The following RSU1 variants were observed in gnomAD, a reference collection of about 807,000 sequenced individuals.
RSU1 encodes the protein rsu-1.
Under a neutral mutation model 31.1 loss-of-function variants are expected in RSU1, and 26 were observed. That is an observed-to-expected ratio of 0.84 (90% CI 0.61 to 1.16). RSU1 has a LOEUF of 1.16. Ranked by LOEUF, RSU1 falls within the 50% of genes most tolerant of loss-of-function variation. The pLI is 0.00. For missense variants in RSU1, 320 were observed against 339.1 expected, an observed-to-expected ratio of 0.94 and a Z score of 0.44; for synonymous variants, 164 against 136.3, an observed-to-expected ratio of 1.20 and a Z score of -1.41.
At chr10:16,654,370 A>AG (rs1317101288) in intron 8 of RSU1, among the ~76,000 whole-genome samples, 2 of 151,476 alleles carry the variant, frequency 1.3e-5, no homozygotes, top group African/African-American at 4.9e-5. Flanking sequence ...GCAAAAAAAA[A>AG]AAAAAAAAAA....
At chr10:16,733,333 T>TAAAAAAAA (rs569239845) in intron 7 of RSU1, among the ~76,000 whole-genome samples, 8 of 79,586 alleles carry the variant, frequency 1.0e-4, no homozygotes, top group African/African-American at 1.5e-4. Flanking sequence ...TCTACGACAA[T>TAAAAAAAA]AAAAAAAAAA....
intron 7 of RSU1, among the ~76,000 whole-genome samples, chr10:16,721,154 G>A (rs995431928): frequency 6.6e-6 from 1 of 152,154 alleles, no homozygotes; most frequent in Non-Finnish European, 1.5e-5. Context: ...TATGGATACT[G>A]AAGAAAGAGC....
At chr10:16,726,962 G>A (rs1425490579) in intron 7 of RSU1, 3 of 429,420 alleles carry the variant, frequency 7.0e-6, no homozygotes, top group African/African-American at 6.1e-5. Context: ...AGATTCTGAT[G>A]ACTAAACTTG....
At chr10:16,787,702 C>T (rs1837823377) in intron 2 of RSU1, among the ~76,000 whole-genome samples, 1 of 152,168 alleles carries the variant, frequency 6.6e-6, no homozygotes, top group Non-Finnish European at 1.5e-5. Context: ...TCTTACCTGC[C>T]CCCATGTAAG....
At chr10:16,763,529 C>T (rs1343726833) in intron 4 of RSU1, among the ~76,000 whole-genome samples, 1 of 152,164 alleles carries the variant, frequency 6.6e-6, no homozygotes, top group South Asian at 2.1e-4. Flanking sequence ...AGGAGAGCTC[C>T]GCCCCCAGGA....
chr10:16,648,801 TAA>T (rs1228529044), intron 8 of RSU1, among the ~76,000 whole-genome samples: 1 of 151,654 alleles, frequency 6.6e-6, no homozygotes, highest in East Asian at 1.9e-4. Flanking sequence ...AATAAATAAA[TAA>T]ATAAATAAAT....
chr10:16,604,649 T>C (rs1833771178), intron 8 of RSU1, among the ~76,000 whole-genome samples: 2 of 152,158 alleles, frequency 1.3e-5, no homozygotes, highest in Admixed American at 1.3e-4. Context: ...AGACAGGCGC[T>C]ACCCCCATTC....
chr10:16,811,830 T>A (rs1170814740), intron 2 of RSU1, among the ~76,000 whole-genome samples: 1 of 152,194 alleles, frequency 6.6e-6, no homozygotes, highest in Non-Finnish European at 1.5e-5. Flanking sequence ...CCAACCTGAA[T>A]CTCTTAACTA....
At chr10:16,722,807 TAC>T (rs1207685182) in intron 7 of RSU1, among the ~76,000 whole-genome samples, 2 of 151,244 alleles carry the variant, frequency 1.3e-5, no homozygotes, top group Non-Finnish European at 2.9e-5. Context: ...TATACATATA[TAC>T]ACATATATAC....
At chr10:16,668,912 T>C (rs1044124855) in intron 8 of RSU1, among the ~76,000 whole-genome samples, 4 of 152,222 alleles carry the variant, frequency 2.6e-5, no homozygotes, top group Non-Finnish European at 5.9e-5. Context: ...CAAATATGGC[T>C]GGTTATATGT....
At chr10:16,812,076 C>A (rs1374499080) in intron 2 of RSU1, among the ~76,000 whole-genome samples, 1 of 152,198 alleles carries the variant, frequency 6.6e-6, no homozygotes, top group Non-Finnish European at 1.5e-5. Context: ...AAAGGGCTCC[C>A]CAGGCCAAGA....
intron 8 of RSU1, among the ~76,000 whole-genome samples, chr10:16,615,884 G>A (rs908348150): frequency 6.6e-6 from 1 of 152,174 alleles, no homozygotes; most frequent in Non-Finnish European, 1.5e-5. Context: ...AGTGTTTAGA[G>A]GGAAATTTAT....
At chr10:16,732,682 A>G (rs1363553086) in intron 7 of RSU1, among the ~76,000 whole-genome samples, 1 of 152,184 alleles carries the variant, frequency 6.6e-6, no homozygotes, top group African/African-American at 2.4e-5. Flanking sequence ...TCAAGCCATG[A>G]TGATTTCTGC....
intron 7 of RSU1, among the ~76,000 whole-genome samples, chr10:16,698,695 A>C (rs1835728430): frequency 6.6e-6 from 1 of 152,182 alleles, no homozygotes; most frequent in African/African-American, 2.4e-5. Flanking sequence ...GATGGCTGCT[A>C]ACTGGAGCAC....
intron 7 of RSU1, among the ~76,000 whole-genome samples, chr10:16,742,218 T>C (rs1472265219): frequency 6.6e-6 from 1 of 152,186 alleles, no homozygotes; most frequent in African/African-American, 2.4e-5. Flanking sequence ...ATGGTACAAT[T>C]AGATGCTTTT....
intron 7 of RSU1, among the ~76,000 whole-genome samples, chr10:16,709,149 C>T (rs1184674172): frequency 4.6e-5 from 7 of 151,914 alleles, no homozygotes; most frequent in African/African-American, 1.7e-4. Context: ...TCCCCCCTTC[C>T]CCCACCCCAC....
chr10:16,697,777 C>A (rs544307355), intron 7 of RSU1, among the ~76,000 whole-genome samples: 6 of 151,890 alleles, frequency 4.0e-5, no homozygotes, highest in Non-Finnish European at 8.8e-5. Context: ...GAAATGAATT[C>A]CTAAGCTAAG....
At position 16,615,266 on chromosome 10, in the gene RSU1, A is replaced by G. The variant is rs189179474; in HGVS notation, c.732-21770T>C. Among the ~76,000 whole-genome samples, 9 of 152,338 alleles carry G rather than the reference A, an allele frequency of 5.9e-5. No homozygotes were observed. The East Asian group carries it at 1.7e-3, about 29-fold the overall frequency. ...CTGACAAAACAGACTTTAAACTAAA[A>G]AACATCAAAAAAGACAAAGAAGGGC... On this transcript the variant is annotated intron_variant, in intron 8 of 8. Coordinates refer to ENST00000345264, the MANE Select transcript of RSU1 (RefSeq NM_012425.4).
intron 8 of RSU1, among the ~76,000 whole-genome samples, chr10:16,657,750 T>C (rs1319809927): frequency 1.3e-5 from 2 of 152,138 alleles, no homozygotes; most frequent in African/African-American, 4.8e-5. Flanking sequence ...CCCAGCACTT[T>C]GGGAGGCTGA....
Sources: allele counts gnomAD v4.1 joint callset (sites outside exome capture counted in the v4.1 genomes callset), GRCh38; gene constraint gnomAD v4.1.1; transcripts MANE v1.5; gene names NCBI Gene and HGNC (gene_info 2026-07-23, HGNC 2026-07-21).